Variants in SOX6 observed in about 807,000 individuals in gnomAD.
The protein encoded by SOX6 is SRY-box transcription factor 6, also known as transcription factor SOX-6.
Under a neutral mutation model 97.8 loss-of-function variants are expected in SOX6, and 11 were observed. That is an observed-to-expected ratio of 0.11 (90% CI 0.07 to 0.19). The LOEUF is 0.19. SOX6 is among the 10% of genes least tolerant of loss of function. SOX6 has a pLI of 1.00. For missense variants in SOX6, 810 were observed against 1,039.5 expected (o/e 0.78, Z 3.04); for synonymous variants, 360 against 371.4 (o/e 0.97, Z 0.35).
intron 3 of SOX6, among the ~76,000 whole-genome samples, chr11:16,237,091 G>T (rs1000340971): frequency 1.3e-5 from 2 of 151,876 alleles, no homozygotes; most frequent in Non-Finnish European, 2.9e-5. Flanking sequence ...ATGAAAGTTA[G>T]TACATACAAG....
intron 4 of SOX6, among the ~76,000 whole-genome samples, chr11:16,523,392 T>C (rs1861104007): frequency 1.3e-5 from 2 of 152,028 alleles, no homozygotes. Flanking sequence ...ACTGGGTACA[T>C]AAGGAAACGA....
In SOX6 at chr11:16,448,670, A is replaced by C. The variant is rs759911526; in HGVS notation, c.-5+27645T>G. On this transcript the variant is annotated intron_variant, in intron 1 of 15. Coordinates refer to the SOX6 transcript ENST00000396356. ...AATTGTCCTATATTTAAGAATATTT[A>C]ATTTGTGGTCAACCTCAGCTACTTC... Among the ~76,000 whole-genome samples the C allele has an allele frequency of 1.6e-4, 25 of 152,142 alleles. 1 individual carries two copies. The highest frequency in any genetic ancestry group is 1.3e-4 in the Non-Finnish European group (9 of 68,032).
intron 4 of SOX6, among the ~76,000 whole-genome samples, chr11:16,546,138 A>G (rs1425098388): frequency 6.6e-6 from 1 of 152,108 alleles, no homozygotes; most frequent in Non-Finnish European, 1.5e-5. Context: ...GGAATAAATA[A>G]CCAAGGAGGA....
chr11:16,258,884 A>G (rs1316209083), intron 3 of SOX6, among the ~76,000 whole-genome samples: 1 of 151,700 alleles, frequency 6.6e-6, no homozygotes, highest in Non-Finnish European at 1.5e-5. Flanking sequence ...ATATACATAT[A>G]TACACACACA....
At chr11:16,282,699 C>T (rs1854602341) in intron 3 of SOX6, among the ~76,000 whole-genome samples, 1 of 150,874 alleles carries the variant, frequency 6.6e-6, no homozygotes, top group Non-Finnish European at 1.5e-5. Flanking sequence ...ATTATTAAAC[C>T]ATAGCAAAAA....
chr11:16,583,219 G>A (rs1448595516), intron 4 of SOX6, among the ~76,000 whole-genome samples: 4 of 151,966 alleles, frequency 2.6e-5, no homozygotes, highest in African/African-American at 7.2e-5. Flanking sequence ...TCTGATACAT[G>A]TGTACAATGT....
intron 1 of SOX6, among the ~76,000 whole-genome samples, chr11:16,392,709 A>C (rs926846523): frequency 2.4e-4 from 36 of 152,112 alleles, no homozygotes; most frequent in Admixed American, 2.4e-3. Flanking sequence ...GGTGAAGTCT[A>C]AAGTTCTTAC....
intron 3 of SOX6, among the ~76,000 whole-genome samples, chr11:16,253,599 G>T (rs969640701): frequency 6.6e-6 from 1 of 151,960 alleles, no homozygotes; most frequent in East Asian, 1.9e-4. Flanking sequence ...TGCCTTTGCT[G>T]GGCTCACTAG....
chr11:16,214,815 T>C (rs1590035744), intron 4 of SOX6, among the ~76,000 whole-genome samples: 1 of 148,528 alleles, frequency 6.7e-6, no homozygotes, highest in African/African-American at 2.5e-5. Flanking sequence ...AGTGGCACCA[T>C]CTCGGCTCAC....
intron 4 of SOX6, among the ~76,000 whole-genome samples, chr11:16,560,560 T>A (rs546057489): frequency 2.9e-5 from 3 of 102,272 alleles, no homozygotes; most frequent in Non-Finnish European, 4.7e-5. Flanking sequence ...TGTTTATACG[T>A]ACATATATGT....
chr11:16,628,620 CAAAAAAA>C (rs71455891), intron 3 of SOX6, among the ~76,000 whole-genome samples: 1 of 103,160 alleles, frequency 9.7e-6, no homozygotes, highest in African/African-American at 3.9e-5. Context: ...GACTCCATCT[CAAAAAAA>C]AAAAAAAAGA....
chr11:16,513,884 C>T (rs1326309709), intron 4 of SOX6, among the ~76,000 whole-genome samples: 1 of 151,944 alleles, frequency 6.6e-6, no homozygotes, highest in Non-Finnish European at 1.5e-5. Context: ...TTAATAGGCA[C>T]ACAAGATTTT....
chr11:16,726,829 A>G (rs1848309824), intron 2 of SOX6, among the ~76,000 whole-genome samples: 1 of 152,210 alleles, frequency 6.6e-6, no homozygotes, highest in Non-Finnish European at 1.5e-5. Context: ...CAAAATCACT[A>G]GAATAAAGAG....
intron 1 of SOX6, among the ~76,000 whole-genome samples, chr11:16,417,925 T>C (rs1457291293): frequency 1.3e-5 from 2 of 152,214 alleles, no homozygotes; most frequent in Non-Finnish European, 2.9e-5. Context: ...TCTCACTGGG[T>C]AAGCCATTTT....
intron 15 of SOX6, among the ~76,000 whole-genome samples, chr11:15,973,613 A>T (rs2119767691): frequency 6.6e-6 from 1 of 152,342 alleles, no homozygotes; most frequent in East Asian, 1.9e-4. Flanking sequence ...GAGATTCAGC[A>T]AAGCATTTAT....
At chr11:16,697,163 C>T (rs1848060031) in intron 3 of SOX6, among the ~76,000 whole-genome samples, 1 of 152,174 alleles carries the variant, frequency 6.6e-6, no homozygotes, top group South Asian at 2.1e-4. Context: ...AATTCTACTT[C>T]TCTTGCTGCT....
intron 3 of SOX6, among the ~76,000 whole-genome samples, chr11:16,711,412 TACTGGGG>T (rs200787024): frequency 0.16 from 24,775 of 152,124 alleles, 2,670 homozygotes; most frequent in East Asian, 0.32. Flanking sequence ...TAGTCCCAGC[TACTGGGG>T]GGTGGAGATG....
chr11:16,559,181 GA>G lies in SOX6; in HGVS notation n.609+52899del, dbSNP rs557587128. 6.6e-5 allele frequency among the ~76,000 whole-genome samples: 10 copies of G among 151,658 alleles called. No homozygotes were observed. The East Asian group carries it at 1.4e-3, about 20-fold the overall frequency. On this transcript the variant is annotated intron_variant and non_coding_transcript_variant, in intron 4 of 5. Transcript: ENST00000524520. ...GACTGACTTAATGTATATTTGCTAG[GA>G]AAAAAAATCTCCTTTAATCAATAAA...
At chr11:16,387,900 T>C (rs1277064588) in intron 1 of SOX6, among the ~76,000 whole-genome samples, 2 of 152,240 alleles carry the variant, frequency 1.3e-5, no homozygotes, top group Non-Finnish European at 1.5e-5. Flanking sequence ...GATACAATCC[T>C]ACTTTTTACC....
Sources: gnomAD v4.1 joint callset for allele counts (sites outside exome capture counted in the v4.1 genomes callset) on GRCh38, gnomAD v4.1.1 for gene constraint, MANE v1.5 for transcripts, NCBI Gene and HGNC (gene_info 2026-07-23, HGNC 2026-07-21) for gene names.